Variants in ZNF536 observed in about 807,000 individuals in gnomAD.
The protein encoded by ZNF536 is zinc finger protein 536.
Under a neutral mutation model 84.5 loss-of-function variants are expected in ZNF536, and 13 were observed. The ratio of observed to expected loss-of-function variants is 0.15; its 90% CI spans 0.10 to 0.24. The LOEUF (loss-of-function observed/expected upper bound fraction) is 0.24, where lower values mean the gene tolerates loss of function less well. ZNF536 is among the 10% of genes least tolerant of loss of function. The pLI is 1.00. For synonymous variants in ZNF536, 811 were observed against 742.5 expected (o/e 1.09, Z -1.50); for missense variants, 1,536 against 1,747.5 (o/e 0.88, Z 2.16).
chr19:30,694,269 G>T (rs907045245), intron 1 of ZNF536, among the ~76,000 whole-genome samples: 1 of 152,206 alleles, frequency 6.6e-6, no homozygotes, highest in Non-Finnish European at 1.5e-5. Flanking sequence ...GGGCTGATGT[G>T]TTCATTTTAA....
intron 1 of ZNF536, among the ~76,000 whole-genome samples, chr19:30,383,731 CT>C (rs1220330492): frequency 5.4e-5 from 1 of 18,362 alleles, no homozygotes; most frequent in African/African-American, 2.6e-4. Flanking sequence ...TTCTTTCTTT[CT>C]TTCTTTCTTT....
intron 1 of ZNF536, among the ~76,000 whole-genome samples, chr19:30,636,571 CT>C (rs1220779164): frequency 1.3e-5 from 2 of 152,160 alleles, no homozygotes; most frequent in East Asian, 3.9e-4. Context: ...TTCTTTCTGT[CT>C]GTTTAAACCC....
chr19:30,237,636 T>G (rs990495996), intron 1 of ZNF536, among the ~76,000 whole-genome samples: 1 of 152,228 alleles, frequency 6.6e-6, no homozygotes, highest in Non-Finnish European at 1.5e-5. Context: ...GTGTATCTTT[T>G]CACTGACTGT....
intron 1 of ZNF536, among the ~76,000 whole-genome samples, chr19:30,678,539 T>C (rs1259084029): frequency 2.0e-5 from 3 of 152,158 alleles, no homozygotes; most frequent in Non-Finnish European, 4.4e-5. Context: ...AGTTTTCCCT[T>C]CTGCTCACAG....
chr19:30,469,655 G>A (rs1246542207), intron 2 of ZNF536, among the ~76,000 whole-genome samples: 1 of 152,162 alleles, frequency 6.6e-6, no homozygotes, highest in Non-Finnish European at 1.5e-5. Context: ...ATGCACAGGT[G>A]TACCCATTCC....
chr19:30,379,093 T>G (rs1407213289), intron 1 of ZNF536, among the ~76,000 whole-genome samples: 2 of 152,150 alleles, frequency 1.3e-5, no homozygotes, highest in African/African-American at 4.8e-5. Flanking sequence ...GGTCAAATAT[T>G]GTTTGAAATA....
At chr19:30,525,722 A>T (rs79749590) in intron 2 of ZNF536, among the ~76,000 whole-genome samples, 12,765 of 152,234 alleles carry the variant, frequency 0.084, 815 homozygotes, top group Non-Finnish European at 0.12. Context: ...AGAGCATTCT[A>T]GGGGAAAGAG....
intron 1 of ZNF536, among the ~76,000 whole-genome samples, chr19:30,234,086 G>T (rs1013063829): frequency 1.7e-4 from 26 of 152,178 alleles, no homozygotes; most frequent in African/African-American, 6.0e-4. Context: ...AGTCTATAAG[G>T]TTCCCCCTTT....
intron 1 of ZNF536, among the ~76,000 whole-genome samples, chr19:30,432,003 A>G (rs1011059995): frequency 6.5e-4 from 94 of 144,430 alleles, no homozygotes; most frequent in African/African-American, 2.2e-3. Flanking sequence ...ATATATATAT[A>G]TATACACACA....
At chr19:30,503,913 TTCTC>T (rs1266665777) in intron 2 of ZNF536, among the ~76,000 whole-genome samples, 17 of 148,412 alleles carry the variant, frequency 1.1e-4, no homozygotes, top group Admixed American at 2.0e-4. Flanking sequence ...TCTTTCTTTC[TTCTC>T]TCTCTTTTTT....
chr19:30,654,103 C>T (rs1425627990), intron 1 of ZNF536, among the ~76,000 whole-genome samples: 2 of 152,190 alleles, frequency 1.3e-5, no homozygotes, highest in South Asian at 2.1e-4. Context: ...CCTCCCCTCC[C>T]TGTCGCCGAC....
chr19:30,432,488 A>T (rs1245653591), intron 1 of ZNF536, among the ~76,000 whole-genome samples: 2 of 152,050 alleles, frequency 1.3e-5, no homozygotes, highest in Non-Finnish European at 2.9e-5. Context: ...TGGAGGATGG[A>T]GTTGGGCTCA....
chr19:30,687,642 A>G (rs899878157), intron 1 of ZNF536, among the ~76,000 whole-genome samples: 15 of 152,168 alleles, frequency 9.9e-5, no homozygotes, highest in African/African-American at 3.6e-4. Flanking sequence ...GTCGATGTGT[A>G]TAATATCTAT....
At chr19:30,235,601 C>A (rs1056144480) in intron 1 of ZNF536, among the ~76,000 whole-genome samples, 1 of 152,142 alleles carries the variant, frequency 6.6e-6, no homozygotes, top group Non-Finnish European at 1.5e-5. Flanking sequence ...ATTTTATCTT[C>A]TGAAATATCT....
At chr19:30,410,481 T>C (rs1219766142) in intron 1 of ZNF536, among the ~76,000 whole-genome samples, 24 of 41,484 alleles carry the variant, frequency 5.8e-4, no homozygotes, top group Non-Finnish European at 2.1e-3. Flanking sequence ...TTTTTTTTTT[T>C]TTTTTTTTTT....
exon 2 of ZNF536, chr19:30,712,900 G>T (rs1296210250): frequency 1.4e-5 from 2 of 146,580 alleles, no homozygotes; most frequent in African/African-American, 5.1e-5. Flanking sequence ...TGTTTGCTCT[G>T]CCTTTGGTAT....
chr19:30,525,616 G>A (rs2044542287), intron 2 of ZNF536, among the ~76,000 whole-genome samples: 3 of 152,186 alleles, frequency 2.0e-5, no homozygotes, highest in Admixed American at 1.3e-4. Context: ...TGTGGAAGGT[G>A]ACATGGGCTG....
chr19:30,435,844 C>T (rs990172755), intron 1 of ZNF536, among the ~76,000 whole-genome samples: 1 of 152,012 alleles, frequency 6.6e-6, no homozygotes, highest in Non-Finnish European at 1.5e-5. Flanking sequence ...TGTTGTTGTG[C>T]TCATTATCTG....
chr19:30,585,524 T>G (rs1250405128), intron 1 of ZNF536, among the ~76,000 whole-genome samples: 1 of 152,104 alleles, frequency 6.6e-6, no homozygotes, highest in African/African-American at 2.4e-5. Flanking sequence ...GGTTAATAGA[T>G]CTTGGGAGTA....
Sources: allele counts gnomAD v4.1 joint callset (sites outside exome capture counted in the v4.1 genomes callset), GRCh38; gene constraint gnomAD v4.1.1; transcripts MANE v1.5; gene names NCBI Gene and HGNC (gene_info 2026-07-23, HGNC 2026-07-21).